Variants in SGCD observed in about 807,000 individuals in gnomAD.
The protein encoded by SGCD is delta-sarcoglycan.
SGCD carries 18 observed loss-of-function variants against 36.6 expected under a neutral mutation model. That is an observed-to-expected ratio of 0.49 (90% confidence interval 0.34 to 0.73). The LOEUF is 0.73. SGCD is among the 30% of genes least tolerant of loss of function. The pLI, the probability that SGCD is intolerant of heterozygous loss-of-function variation, is 0.01. For missense variants in SGCD, 387 were observed against 346.7 expected, an observed-to-expected ratio of 1.12 and a Z score of -0.92; for synonymous variants, 133 against 130.6, an observed-to-expected ratio of 1.02 and a Z score of -0.12.
rs368291774 is a variant in SGCD, at chr5:156,674,099, C to G, written c.575+26563C>G. ...AAAATGGAGAGCAGAAGGCGTTAGG[C>G]TTCTTCTGATTGCCTACCCCTGCAA... On this transcript the variant is annotated intron_variant, in intron 7 of 8. Transcript: ENST00000337851. 2.6e-5 allele frequency among the ~76,000 whole-genome samples: 4 copies of G among 152,342 alleles called. No homozygotes were observed. In the East Asian group the frequency reaches 7.7e-4, roughly 29 times the overall value.
intron 1 of SGCD, among the ~76,000 whole-genome samples, chr5:155,976,549 G>A (rs747825055): frequency 1.8e-4 from 27 of 152,134 alleles, no homozygotes; most frequent in Non-Finnish European, 3.1e-4. Context: ...ATATTCACTC[G>A]TGGAGTCTTT....
At chr5:156,495,547 C>T (rs541468637) in intron 3 of SGCD, among the ~76,000 whole-genome samples, 1 of 152,090 alleles carries the variant, frequency 6.6e-6, no homozygotes, top group Non-Finnish European at 1.5e-5. Flanking sequence ...GGTACATACC[C>T]CATGAAGGAA....
chr5:155,810,795 C>CTTTTTTT, the SGCD span, among the ~76,000 whole-genome samples: 10 of 35,334 alleles, frequency 2.8e-4, 3 homozygotes, highest in Non-Finnish European at 4.7e-4. Context: ...TTAGTGTCTG[C>CTTTTTTT]TTTTTTTTTT....
chr5:156,756,671 A>T lies in SGCD; in HGVS notation c.576-910A>T, dbSNP rs540274491. ...ATCCTGTTTTGCCATCATAATTAGC[A>T]TAGAATGTGGCTGATTCTCTTGATT... On this transcript the variant is annotated intron_variant, in intron 7 of 8. Transcript: ENST00000337851. Among the ~76,000 whole-genome samples, 9 of 152,354 alleles carry T rather than the reference A, an allele frequency of 5.9e-5. No individual in the cohort carries two copies. The East Asian group carries it at 1.7e-3, about 29-fold the overall frequency.
intron 6 of SGCD, among the ~76,000 whole-genome samples, chr5:156,607,727 G>T (rs948894034): frequency 6.6e-6 from 1 of 152,060 alleles, no homozygotes; most frequent in African/African-American, 2.4e-5. Flanking sequence ...TTCAGAGCCT[G>T]TTATTGGTCT....
Position 156,309,147 on chromosome 5 carries a change from C to T in SGCD, c.-43-20387C>T, listed in dbSNP as rs148780893. ...TCCTTTGAGGTTATCTCCTTGGGTTCGTTGAGCTTCATGAATGTTTATATT... is the reference window on the plus strand; with the variant it reads ...TCCTTTGAGGTTATCTCCTTGGGTTTGTTGAGCTTCATGAATGTTTATATT... On this transcript the variant is annotated intron_variant, in intron 3 of 9. Coordinates refer to the SGCD transcript ENST00000517913. 6.3e-3 allele frequency among the ~76,000 whole-genome samples: 962 copies of T among 152,082 alleles called. 10 individuals carry two copies. Among genetic ancestry groups the T allele is most frequent in the African/African-American group, 0.018 (756 of 41,492 alleles).
intron 1 of SGCD, among the ~76,000 whole-genome samples, chr5:156,087,659 A>C (rs1761135695): frequency 1.3e-5 from 2 of 151,838 alleles, no homozygotes; most frequent in Non-Finnish European, 2.9e-5. Flanking sequence ...AAAAAAAAAA[A>C]AACTAGTTCC....
At chr5:156,113,864 T>C (rs144242918) in intron 1 of SGCD, among the ~76,000 whole-genome samples, 1,808 of 152,276 alleles carry the variant, frequency 0.012, 20 homozygotes, top group Middle Eastern at 0.041. Context: ...TAAAAGTACA[T>C]GGAGGAACCT....
At chr5:156,254,351 T>A (rs1405732760) in intron 3 of SGCD, among the ~76,000 whole-genome samples, 1 of 152,218 alleles carries the variant, frequency 6.6e-6, no homozygotes, top group African/African-American at 2.4e-5. Context: ...ATTAGGTATA[T>A]CTCCTAATGC....
intron 1 of SGCD, among the ~76,000 whole-genome samples, chr5:155,893,356 C>T (rs746838527): frequency 6.6e-6 from 1 of 152,092 alleles, no homozygotes; most frequent in Non-Finnish European, 1.5e-5. Context: ...TGTCTGAATG[C>T]CACCTATTGT....
At chr5:156,689,272 ATGT>A (rs1428337578) in intron 7 of SGCD, among the ~76,000 whole-genome samples, 3 of 152,190 alleles carry the variant, frequency 2.0e-5, no homozygotes, top group Non-Finnish European at 4.4e-5. Flanking sequence ...CAAGTATAAA[ATGT>A]TGTTTAAAAA....
At chr5:155,737,515 C>T in the SGCD span, among the ~76,000 whole-genome samples, 1 of 152,208 alleles carries the variant, frequency 6.6e-6, no homozygotes, top group African/African-American at 2.4e-5. Context: ...CTATGGCACT[C>T]AGAATTGATT....
chr5:155,953,758 G>A (rs926614746), intron 1 of SGCD, among the ~76,000 whole-genome samples: 4 of 152,142 alleles, frequency 2.6e-5, no homozygotes, highest in African/African-American at 9.7e-5. Flanking sequence ...CCTTCCCTCC[G>A]ACCTAGGCAA....
At chr5:156,586,058 T>C (rs1561796573) in intron 4 of SGCD, among the ~76,000 whole-genome samples, 2 of 135,994 alleles carry the variant, frequency 1.5e-5, no homozygotes, top group Non-Finnish European at 3.1e-5. Flanking sequence ...TTTGATTACT[T>C]TGGTGTTTTT....
chr5:156,634,707 A>G lies in SGCD; in HGVS notation c.503-12757A>G, dbSNP rs187420312. Among the ~76,000 whole-genome samples, 62 of 152,264 alleles carry G rather than the reference A, an allele frequency of 4.1e-4. 1 individual carries two copies. Among genetic ancestry groups the G allele is most frequent in the African/African-American group, 1.4e-3 (60 of 41,552 alleles). On this transcript the variant is annotated intron_variant, in intron 6 of 8. Coordinates refer to ENST00000337851, the MANE Select transcript of SGCD (RefSeq NM_000337.6). ...GCTTATTGTGGTAGATACATGACGC[A>G]TGTATTTGTGAAAACCCACAGATCT... is the stretch of plus-strand genomic sequence containing the variant.
chr5:156,480,444 C>T (rs1755373891), intron 3 of SGCD, among the ~76,000 whole-genome samples: 1 of 152,228 alleles, frequency 6.6e-6, no homozygotes, highest in South Asian at 2.1e-4. Flanking sequence ...CCAGTCTCTT[C>T]TTGAATAAAA....
intron 1 of SGCD, among the ~76,000 whole-genome samples, chr5:155,946,868 A>G (rs1448540546): frequency 6.6e-6 from 1 of 152,162 alleles, no homozygotes; most frequent in Non-Finnish European, 1.5e-5. Context: ...CATTATAACA[A>G]TGATGAGGTT....
chr5:156,135,499 A>G (rs1339685268), intron 3 of SGCD, among the ~76,000 whole-genome samples: 2 of 152,122 alleles, frequency 1.3e-5, no homozygotes, highest in South Asian at 4.1e-4. Flanking sequence ...CTTCCAACAC[A>G]TCACTCCAGA....
At chr5:156,740,862 C>T (rs1214662184) in intron 7 of SGCD, among the ~76,000 whole-genome samples, 1 of 152,204 alleles carries the variant, frequency 6.6e-6, no homozygotes, top group African/African-American at 2.4e-5. Flanking sequence ...CCCACCCAAT[C>T]TGAGAACTCC....
Sources: allele counts gnomAD v4.1 joint callset (sites outside exome capture counted in the v4.1 genomes callset), GRCh38; gene constraint gnomAD v4.1.1; transcripts MANE v1.5; gene names NCBI Gene and HGNC (gene_info 2026-07-23, HGNC 2026-07-21).